Variants in CCSER1 observed in about 807,000 individuals in gnomAD.
CCSER1 encodes serine-rich coiled-coil domain-containing protein 1.
In CCSER1, 41 loss-of-function variants were observed where a neutral mutation model predicts 82.0. The observed-to-expected ratio is 0.50, with a 90% CI of 0.39 to 0.65. The LOEUF is 0.65. Ranked by LOEUF, CCSER1 falls within the 30% of genes least tolerant of loss-of-function variation. The pLI, the probability that CCSER1 is intolerant of heterozygous loss-of-function variation, is 0.00. For synonymous variants in CCSER1, 414 were observed against 383.9 expected (o/e 1.08, Z -0.92); for missense variants, 1,119 against 1,064.2 (o/e 1.05, Z -0.72).
At chr4:90,621,465 G>GT (rs566048910) in intron 5 of CCSER1, among the ~76,000 whole-genome samples, 6,253 of 143,162 alleles carry the variant, frequency 0.044, 366 homozygotes, top group African/African-American at 0.14. Context: ...AAGTTTCTGG[G>GT]TTTTTTTTTT....
chr4:90,842,015 A>G (rs1762630234), intron 8 of CCSER1, among the ~76,000 whole-genome samples: 1 of 139,970 alleles, frequency 7.1e-6, no homozygotes, highest in Admixed American at 7.3e-5. Flanking sequence ...TGACGTATTT[A>G]CTGATTTCTC....
chr4:90,146,220 A>G lies in CCSER1; in HGVS notation c.-42+18389A>G, dbSNP rs566374006. Among the ~76,000 whole-genome samples, 6 of 152,166 alleles carry G rather than the reference A, an allele frequency of 3.9e-5. No homozygotes were observed. In the South Asian group the frequency reaches 1.0e-3, roughly 26 times the overall value. On this transcript the variant is annotated intron_variant, in intron 1 of 10. Transcript: ENST00000509176. ...CTAGTCTTTTGAGAAGTGAGCTCCAATTTATATAGCACAGATGTAGAATTT... is the reference window on the plus strand; with the variant it reads ...CTAGTCTTTTGAGAAGTGAGCTCCAGTTTATATAGCACAGATGTAGAATTT...
At chr4:91,580,548 T>C (rs1763680305) in intron 10 of CCSER1, among the ~76,000 whole-genome samples, 1 of 151,740 alleles carries the variant, frequency 6.6e-6, no homozygotes, top group African/African-American at 2.4e-5. Context: ...AAACTCAGAA[T>C]TAGTCTGAAA....
intron 7 of CCSER1, among the ~76,000 whole-genome samples, chr4:90,778,639 A>G (rs1401222813): frequency 2.0e-5 from 3 of 151,944 alleles, no homozygotes; most frequent in Non-Finnish European, 2.9e-5. Flanking sequence ...ACATCTTGCC[A>G]TGTGCTTGTG....
At chr4:90,422,218 A>G (rs767426851) in intron 4 of CCSER1, among the ~76,000 whole-genome samples, 1 of 152,180 alleles carries the variant, frequency 6.6e-6, no homozygotes, top group Non-Finnish European at 1.5e-5. Flanking sequence ...CAACAACACA[A>G]ATAGAAGGAT....
At chr4:90,894,057 T>C (rs545410330) in intron 8 of CCSER1, among the ~76,000 whole-genome samples, 1 of 152,118 alleles carries the variant, frequency 6.6e-6, no homozygotes, top group South Asian at 2.1e-4. Flanking sequence ...TTATAAATAT[T>C]CCTTTGAAAG....
At chr4:91,011,284 G>A (rs1233435263) in intron 9 of CCSER1, among the ~76,000 whole-genome samples, 2 of 134,114 alleles carry the variant, frequency 1.5e-5, no homozygotes, top group African/African-American at 5.0e-5. Flanking sequence ...GGCAAGGGCT[G>A]TTGGGGTCCT....
chr4:91,309,762 A>T (rs1028176876), intron 10 of CCSER1, among the ~76,000 whole-genome samples: 4 of 151,864 alleles, frequency 2.6e-5, no homozygotes, highest in African/African-American at 4.8e-5. Flanking sequence ...TAAGAATTTA[A>T]TTTTTTCCTT....
chr4:90,579,262 A>T (rs920761943), intron 5 of CCSER1, among the ~76,000 whole-genome samples: 3 of 152,164 alleles, frequency 2.0e-5, no homozygotes, highest in African/African-American at 7.2e-5. Flanking sequence ...ATTGTGTATA[A>T]TGCAGGTCTA....
In CCSER1 at chr4:90,963,739, A is replaced by C. The variant is rs1430587630; in HGVS notation, c.2172+40292A>C. Among the ~76,000 whole-genome samples, 3 of 152,132 alleles carry C rather than the reference A, an allele frequency of 2.0e-5. No homozygotes were observed. The East Asian group carries it at 5.8e-4, about 29-fold the overall frequency. ...CAGCCTCCATAATTGTGTGAAAATAAATTTCTCAGTTTCTCACATGGCATT... is the reference window on the plus strand; with the variant it reads ...CAGCCTCCATAATTGTGTGAAAATACATTTCTCAGTTTCTCACATGGCATT... On this transcript the variant is annotated intron_variant, in intron 9 of 10. Transcript: ENST00000509176.
intron 10 of CCSER1, among the ~76,000 whole-genome samples, chr4:91,180,797 A>C (rs1733945942): frequency 6.6e-6 from 1 of 152,268 alleles, no homozygotes; most frequent in African/African-American, 2.4e-5. Flanking sequence ...CACAACCTTC[A>C]GAGCTGAGAG....
intron 10 of CCSER1, among the ~76,000 whole-genome samples, chr4:91,287,773 T>C (rs1743397715): frequency 6.6e-6 from 1 of 151,744 alleles, no homozygotes; most frequent in Non-Finnish European, 1.5e-5. Context: ...GATAAAATCA[T>C]CCACATACCA....
At position 90,276,315 on chromosome 4, in the gene CCSER1, CTT is replaced by C. The variant is rs1328914103; in HGVS notation, c.-41-31925_-41-31924del. ...CCTTCCTTCCTTCCTTCCTTTCTTT[CTT>C]TTTCTTTCTTTCTTTCTTTCTTCTT... On this transcript the variant is annotated intron_variant, in intron 1 of 10. Transcript: ENST00000509176. 4.5e-3 allele frequency among the ~76,000 whole-genome samples: 438 copies of C among 98,060 alleles called. 12 individuals carry two copies. The highest frequency in any genetic ancestry group is 0.02 in the Middle Eastern group (4 of 202). 64.3% of individuals were successfully genotyped at this position (98,060 alleles called of 152,430 possible). A position where few individuals can be genotyped will look rare whatever the true frequency, so the allele number is the denominator to read the frequency against.
intron 5 of CCSER1, among the ~76,000 whole-genome samples, chr4:90,518,783 T>C (rs1772648741): frequency 6.6e-6 from 1 of 151,936 alleles, no homozygotes; most frequent in Non-Finnish European, 1.5e-5. Flanking sequence ...ATTTTAATCT[T>C]ATAAAGGCTA....
intron 8 of CCSER1, among the ~76,000 whole-genome samples, chr4:90,837,204 T>G (rs770289976): frequency 2.0e-5 from 3 of 152,190 alleles, no homozygotes; most frequent in Non-Finnish European, 4.4e-5. Context: ...TTCTGGAATT[T>G]GTCACTTTTA....
chr4:91,591,117 T>C (rs906535927), intron 10 of CCSER1, among the ~76,000 whole-genome samples: 58 of 152,058 alleles, frequency 3.8e-4, no homozygotes, highest in Non-Finnish European at 2.9e-4. Flanking sequence ...CTGGCTTCTG[T>C]AGGTACAGGA....
intron 10 of CCSER1, among the ~76,000 whole-genome samples, chr4:91,132,334 G>T (rs1008921884): frequency 2.6e-5 from 4 of 152,066 alleles, no homozygotes; most frequent in African/African-American, 4.8e-5. Flanking sequence ...GACTGTGAAG[G>T]TGTACAAAAG....
At chr4:90,905,388 A>G (rs1184974200) in intron 8 of CCSER1, among the ~76,000 whole-genome samples, 1 of 151,528 alleles carries the variant, frequency 6.6e-6, no homozygotes, top group Admixed American at 6.6e-5. Context: ...ACACACATAT[A>G]TTAGTTTCTT....
intron 6 of CCSER1, chr4:90,683,264 G>T (rs561013956): frequency 1.3e-5 from 2 of 152,032 alleles, no homozygotes; most frequent in Non-Finnish European, 2.9e-5. Context: ...ATCTTAAAGT[G>T]CTTCTATGAA....
Sources: gnomAD v4.1 joint callset for allele counts (sites outside exome capture counted in the v4.1 genomes callset) on GRCh38, gnomAD v4.1.1 for gene constraint, MANE v1.5 for transcripts, NCBI Gene and HGNC (gene_info 2026-07-23, HGNC 2026-07-21) for gene names.